The following KCNH1 variants were observed in gnomAD, a reference collection of about 807,000 sequenced individuals.
KCNH1 encodes potassium voltage-gated channel subfamily H member 1.
Under a neutral mutation model 69.2 loss-of-function variants are expected in KCNH1, and 27 were observed. The observed-to-expected ratio is 0.39, with a 90% CI of 0.29 to 0.54. KCNH1 has a LOEUF of 0.54. KCNH1 is among the 20% of genes least tolerant of loss of function. The probability of loss-of-function intolerance (pLI) is 0.68; values close to 1 mark genes in which losing one functional copy is unlikely to be tolerated. For missense variants in KCNH1, 798 were observed against 1,261.6 expected (o/e 0.63, Z 5.57); for synonymous variants, 456 against 487.7 (o/e 0.93, Z 0.86).
Position 210,681,943 on chromosome 1 carries a change from A to C in KCNH1, c.*1338T>G, listed in dbSNP as rs577788281. Reference sequence around the variant, plus strand: ...GAAGCCCAAGCACATGAATAACCTGACTTAGGTGACCATGAGGCAGTGAAG... The same window carrying C: ...GAAGCCCAAGCACATGAATAACCTGCCTTAGGTGACCATGAGGCAGTGAAG... On this transcript the variant is annotated 3_prime_UTR_variant, in exon 11 of 11. Transcript: ENST00000271751. 6.6e-6 allele frequency: 1 copy of C among 152,212 alleles called. No individual in the cohort carries two copies. The highest frequency in any genetic ancestry group is 2.1e-4 in the South Asian group (1 of 4,812). 9.4% of individuals were successfully genotyped at this position (152,212 alleles called of 1,614,324 possible).
At position 211,018,850 on chromosome 1, in the gene KCNH1, AT is replaced by A. The variant is rs746858537; in HGVS notation, c.964del (p.Met322TrpfsTer32). ...AAAACCAATCTTCCCTGGATCACCCATAAAGGCACTAACCTCATCCACGTTC... is the reference window on the plus strand; with the variant it reads ...AAAACCAATCTTCCCTGGATCACCCAAAAGGCACTAACCTCATCCACGTTC... ...FENVDEVSAF[M>X]GDPGKIGFAD... On this transcript the variant is annotated frameshift_variant, in exon 6 of 11. Transcript: ENST00000271751. LOFTEE classifies it high-confidence loss of function. The A allele has an allele frequency of 8.7e-6, 14 of 1,614,074 alleles. No homozygotes were observed. Among genetic ancestry groups the A allele is most frequent in the Non-Finnish European group, 1.1e-5 (13 of 1,179,964 alleles).
At chr1:210,685,615 A>G (rs1681392257) in intron 10 of KCNH1, among the ~76,000 whole-genome samples, 1 of 152,170 alleles carries the variant, frequency 6.6e-6, no homozygotes, top group South Asian at 2.1e-4. Flanking sequence ...GAAAATCTCT[A>G]CTTTTCAGAC....
At chr1:210,863,882 C>A (rs1686038889) in intron 7 of KCNH1, among the ~76,000 whole-genome samples, 2 of 152,162 alleles carry the variant, frequency 1.3e-5, no homozygotes, top group Non-Finnish European at 2.9e-5. Context: ...CTGACCTCTC[C>A]CCTGTCATGT....
intron 10 of KCNH1, among the ~76,000 whole-genome samples, chr1:210,743,179 C>T (rs968732830): frequency 9.4e-6 from 1 of 106,840 alleles, no homozygotes; most frequent in Non-Finnish European, 1.8e-5. Context: ...TGGAGCTAGA[C>T]GGAGCTGTCC....
chr1:210,892,206 G>GTA (rs891393294), intron 7 of KCNH1, among the ~76,000 whole-genome samples: 24 of 150,930 alleles, frequency 1.6e-4, no homozygotes, highest in African/African-American at 4.6e-4. Flanking sequence ...AGAACTTAAA[G>GTA]TATATATATA....
chr1:210,895,370 T>C (rs983976684), intron 7 of KCNH1, among the ~76,000 whole-genome samples: 1 of 152,178 alleles, frequency 6.6e-6, no homozygotes, highest in African/African-American at 2.4e-5. Context: ...TTAACAAAGA[T>C]TAATTCTATA....
At chr1:211,027,651 T>A (rs1231563903) in intron 5 of KCNH1, among the ~76,000 whole-genome samples, 2 of 149,962 alleles carry the variant, frequency 1.3e-5, no homozygotes, top group African/African-American at 2.4e-5. Context: ...TTAGTGAACT[T>A]GAACTTGAAG....
chr1:210,961,160 G>C (rs987920928), intron 6 of KCNH1, among the ~76,000 whole-genome samples: 1 of 151,760 alleles, frequency 6.6e-6, no homozygotes, highest in Admixed American at 6.6e-5. Context: ...AAAATCTTTT[G>C]TCTATTTTTT....
rs981022905 is a variant in KCNH1, at chr1:211,133,776, G to A, written c.79+91C>T. On this transcript the variant is annotated intron_variant, in intron 1 of 10. Transcript: ENST00000271751. The surrounding 1 kb of genome is among the most constrained non-coding windows in gnomAD (Gnocchi z 5.4). ...CTCCTTAGCAGAGCTCGCGGGTTCTGCTGCATCTGCTGGCTCCGAGCGGCG... is the reference window on the plus strand; with the variant it reads ...CTCCTTAGCAGAGCTCGCGGGTTCTACTGCATCTGCTGGCTCCGAGCGGCG... 1.1e-5 allele frequency: 14 copies of A among 1,226,548 alleles called. No homozygotes were observed. Among genetic ancestry groups the A allele is most frequent in the Non-Finnish European group, 1.7e-5 (14 of 845,464 alleles). The allele number at this position is 1,226,548 out of a possible 1,614,324, so 76.0% of individuals were successfully genotyped here.
At chr1:210,967,708 T>A (rs1316559601) in intron 6 of KCNH1, among the ~76,000 whole-genome samples, 2 of 152,264 alleles carry the variant, frequency 1.3e-5, no homozygotes, top group East Asian at 3.9e-4. Flanking sequence ...TTAATTTCTG[T>A]CAGAGAATAT....
At chr1:210,936,614 G>A (rs903661998) in intron 6 of KCNH1, among the ~76,000 whole-genome samples, 1 of 152,196 alleles carries the variant, frequency 6.6e-6, no homozygotes, top group Non-Finnish European at 1.5e-5. Flanking sequence ...CCAGAAATTA[G>A]ACTTAGTATT....
rs1684403459 is a variant in KCNH1, at chr1:210,800,315, A to G, written c.1663-2555T>C. Among the ~76,000 whole-genome samples the G allele has an allele frequency of 2.6e-5, 4 of 152,344 alleles. No homozygotes were observed. In the South Asian group the frequency reaches 8.3e-4, roughly 32 times the overall value. On this transcript the variant is annotated intron_variant, in intron 8 of 10. Transcript: ENST00000271751. ...TTTAATTTAGGTCCTCTGCTCTCCAAGCAGATCACTAGGTAATGAGGAGCA... is the reference window on the plus strand; with the variant it reads ...TTTAATTTAGGTCCTCTGCTCTCCAGGCAGATCACTAGGTAATGAGGAGCA...
At chr1:211,050,331 C>T (rs2102440137) in intron 5 of KCNH1, among the ~76,000 whole-genome samples, 1 of 138,850 alleles carries the variant, frequency 7.2e-6, no homozygotes, top group Admixed American at 7.9e-5. Flanking sequence ...GCGCTCTAGT[C>T]ACAAAACAAA....
In KCNH1 at chr1:211,115,705, ATATATATATATG is replaced by A. The variant is rs1312387454; in HGVS notation, c.80-8340_80-8329del. The stretch of plus-strand genomic sequence containing the variant: ...GTTAATACTTAATAAACTCCCCTAT[ATATATATATATG>A]TATATATATATATACACACACACAC... On this transcript the variant is annotated intron_variant, in intron 1 of 10. Coordinates refer to ENST00000271751, the MANE Select transcript of KCNH1 (RefSeq NM_172362.3). 3.7e-3 allele frequency among the ~76,000 whole-genome samples: 298 copies of A among 80,384 alleles called. 6 individuals are homozygous for A. Among genetic ancestry groups the A allele is most frequent in the African/African-American group, 0.019 (282 of 15,198 alleles). 52.7% of individuals were successfully genotyped at this position (80,384 alleles called of 152,430 possible).
At chr1:210,876,436 CAGT>C (rs1686375142) in intron 7 of KCNH1, among the ~76,000 whole-genome samples, 1 of 152,138 alleles carries the variant, frequency 6.6e-6, no homozygotes, top group South Asian at 2.1e-4. Context: ...GCTTGTTTAA[CAGT>C]AGGAAAATTT....
intron 7 of KCNH1, among the ~76,000 whole-genome samples, chr1:210,883,377 G>C (rs1420601913): frequency 6.6e-6 from 1 of 152,212 alleles, no homozygotes; most frequent in African/African-American, 2.4e-5. Flanking sequence ...GACCAGAATG[G>C]ATCTGGGGGT....
At chr1:210,761,159 G>C (rs1037879795) in intron 10 of KCNH1, among the ~76,000 whole-genome samples, 5 of 146,892 alleles carry the variant, frequency 3.4e-5, no homozygotes, top group Admixed American at 1.4e-4. Context: ...GGCTGAGGCA[G>C]GAGAATGGCG....
chr1:210,972,591 G>C (rs1688530537), intron 6 of KCNH1, among the ~76,000 whole-genome samples: 1 of 152,132 alleles, frequency 6.6e-6, no homozygotes, highest in Admixed American at 6.6e-5. Context: ...ATTGTAAAAG[G>C]CAGTAAAATG....
intron 7 of KCNH1, among the ~76,000 whole-genome samples, chr1:210,911,500 T>C (rs1171964670): frequency 1.3e-5 from 2 of 151,994 alleles, no homozygotes; most frequent in African/African-American, 4.8e-5. Context: ...TTGTCTCCTT[T>C]GAAACATGTA....
Sources: allele counts gnomAD v4.1 joint callset (sites outside exome capture counted in the v4.1 genomes callset), GRCh38; gene constraint gnomAD v4.1.1; non-coding constraint Gnocchi (gnomAD v3.1); transcripts MANE v1.5; gene names NCBI Gene and HGNC (gene_info 2026-07-23, HGNC 2026-07-21).